The following RBFOX1 variants were observed in gnomAD, a reference collection of about 807,000 sequenced individuals.
RBFOX1 encodes the protein RNA binding protein fox-1 homolog 1.
RBFOX1 carries 8 observed loss-of-function variants against 57.7 expected under a neutral mutation model. The ratio of observed to expected loss-of-function variants is 0.14; its 90% CI spans 0.08 to 0.25. The LOEUF (loss-of-function observed/expected upper bound fraction) is 0.25, where lower values mean the gene tolerates loss of function less well. RBFOX1 is among the 10% of genes least tolerant of loss of function. The pLI, the probability that RBFOX1 is intolerant of heterozygous loss-of-function variation, is 1.00. For synonymous variants in RBFOX1, 326 were observed against 222.4 expected (o/e 1.47, Z -4.15); for missense variants, 611 against 548.5 (o/e 1.11, Z -1.14).
At chr16:6,507,530 GGC>G (rs994510491) in intron 2 of RBFOX1, among the ~76,000 whole-genome samples, 3 of 102,318 alleles carry the variant, frequency 2.9e-5, no homozygotes, top group Admixed American at 2.8e-4. Flanking sequence ...AAAAAAGCCT[GGC>G]ATAGTGGCAC....
chr16:6,109,844 C>G (rs996935109), intron 1 of RBFOX1, among the ~76,000 whole-genome samples: 1 of 152,132 alleles, frequency 6.6e-6, no homozygotes, highest in Non-Finnish European at 1.5e-5. Flanking sequence ...AATTTTACAT[C>G]AAATAGGATA....
chr16:6,085,641 A>AGTGTGTGTTT (rs1555501879), intron 1 of RBFOX1, among the ~76,000 whole-genome samples: 2 of 94,574 alleles, frequency 2.1e-5, no homozygotes, highest in South Asian at 3.3e-4. Context: ...GAGAAGTAGC[A>AGTGTGTGTTT]GTGTGTGTTT....
At position 6,346,767 on chromosome 16, in the gene RBFOX1, G is replaced by A. The variant is rs150369490; in HGVS notation, c.-64+29710G>A. On this transcript the variant is annotated intron_variant, in intron 2 of 15. Coordinates refer to ENST00000550418, the MANE Select transcript of RBFOX1 (RefSeq NM_018723.4). ...TGGAGCAGAGAGTTGAAATAACTTC[G>A]TAATTGAGGCTTGTCTTGGGATGGT... 4.2e-3 allele frequency among the ~76,000 whole-genome samples: 643 copies of A among 152,218 alleles called. 3 individuals carry two copies. The highest frequency in any genetic ancestry group is 0.015 in the African/African-American group (621 of 41,524).
chr16:5,927,378 T>C (rs1303063438), intron 4 of RBFOX1, among the ~76,000 whole-genome samples: 1 of 152,240 alleles, frequency 6.6e-6, no homozygotes, highest in African/African-American at 2.4e-5. Context: ...TAGGCACCAA[T>C]GGCTTTTAAC....
At chr16:7,578,133 A>G (rs1460636045) in intron 5 of RBFOX1, among the ~76,000 whole-genome samples, 3 of 152,222 alleles carry the variant, frequency 2.0e-5, no homozygotes, top group Admixed American at 1.3e-4. Context: ...AAAACTTGCC[A>G]TCATTCTAAA....
intron 1 of RBFOX1, among the ~76,000 whole-genome samples, chr16:5,393,386 C>G (rs2066466707): frequency 6.6e-6 from 1 of 152,214 alleles, no homozygotes; most frequent in Admixed American, 6.5e-5. Flanking sequence ...AAGGATCTGC[C>G]AAGAAGGTTG....
At chr16:6,180,043 T>A (rs2097050188) in intron 1 of RBFOX1, among the ~76,000 whole-genome samples, 2 of 152,220 alleles carry the variant, frequency 1.3e-5, no homozygotes. Context: ...GGTTTGCCAG[T>A]ATCTTCTTGA....
intron 3 of RBFOX1, among the ~76,000 whole-genome samples, chr16:5,641,726 C>T (rs2048882066): frequency 6.6e-6 from 1 of 152,150 alleles, no homozygotes; most frequent in Non-Finnish European, 1.5e-5. Context: ...TTAGGAATAG[C>T]AAGGAGCTCA....
chr16:5,430,275 G>C (rs989443495), intron 1 of RBFOX1, among the ~76,000 whole-genome samples: 12 of 152,138 alleles, frequency 7.9e-5, no homozygotes, highest in African/African-American at 2.9e-4. Context: ...TGACCTGGGG[G>C]TCAGGGGAGG....
intron 3 of RBFOX1, among the ~76,000 whole-genome samples, chr16:5,678,831 T>G (rs996282572): frequency 2.7e-4 from 41 of 152,206 alleles, no homozygotes; most frequent in African/African-American, 9.4e-4. Context: ...CACGTTAAAT[T>G]TGCTACTCAA....
intron 3 of RBFOX1, among the ~76,000 whole-genome samples, chr16:6,891,520 C>G (rs1005578717): frequency 2.6e-5 from 4 of 152,014 alleles, no homozygotes; most frequent in African/African-American, 9.7e-5. Context: ...GCTACATAAA[C>G]TTCCCAGTCC....
At chr16:7,212,286 G>T (rs576777425) in intron 4 of RBFOX1, among the ~76,000 whole-genome samples, 42 of 152,260 alleles carry the variant, frequency 2.8e-4, no homozygotes, top group Middle Eastern at 3.4e-3. Flanking sequence ...TTTGTGTACA[G>T]TCCCTTTGCC....
chr16:6,189,461 G>C (rs998121690), intron 1 of RBFOX1, among the ~76,000 whole-genome samples: 7 of 152,202 alleles, frequency 4.6e-5, no homozygotes, highest in Non-Finnish European at 1.0e-4. Context: ...GGTTGCCGGG[G>C]CTAATTGCTA....
intron 4 of RBFOX1, among the ~76,000 whole-genome samples, chr16:7,137,105 T>C (rs1198023107): frequency 1.3e-5 from 2 of 152,206 alleles, no homozygotes; most frequent in Non-Finnish European, 2.9e-5. Flanking sequence ...CCAGAGAAGT[T>C]AGATAGTCTA....
chr16:7,389,069 A>G (rs993456570), intron 4 of RBFOX1, among the ~76,000 whole-genome samples: 1 of 152,184 alleles, frequency 6.6e-6, no homozygotes, highest in Non-Finnish European at 1.5e-5. Flanking sequence ...TAATATGTTC[A>G]GTGCAGCACC....
chr16:6,356,028 A>C (rs2087257812), intron 2 of RBFOX1, among the ~76,000 whole-genome samples: 3 of 152,238 alleles, frequency 2.0e-5, no homozygotes, highest in Admixed American at 2.0e-4. Context: ...TTATGACCCA[A>C]AGTATTAAAA....
chr16:5,462,833 A>G (rs1205056214), intron 1 of RBFOX1, among the ~76,000 whole-genome samples: 1 of 152,112 alleles, frequency 6.6e-6, no homozygotes, highest in African/African-American at 2.4e-5. Context: ...TTCGGTGGGT[A>G]AAGGCCAGGG....
chr16:6,146,270 G>A (rs181976421), intron 1 of RBFOX1, among the ~76,000 whole-genome samples: 18 of 152,234 alleles, frequency 1.2e-4, no homozygotes, highest in African/African-American at 3.6e-4. Flanking sequence ...AGGAATCCAC[G>A]CTTCTTTTTA....
At chr16:6,017,467 C>A (rs1464516466), upstream of RBFOX1, among the ~76,000 whole-genome samples, 4 of 151,984 alleles carry the variant, frequency 2.6e-5, no homozygotes, top group Non-Finnish European at 4.4e-5. Context: ...TGTTACCAAC[C>A]CAGATTTATG....
Sources: allele counts gnomAD v4.1 joint callset (sites outside exome capture counted in the v4.1 genomes callset), GRCh38; gene constraint gnomAD v4.1.1; transcripts MANE v1.5; gene names NCBI Gene and HGNC (gene_info 2026-07-23, HGNC 2026-07-21).